MYO18B: variants seen among roughly 807,000 people sequenced by gnomAD.
MYO18B encodes the protein myosin XVIIIB.
Under a neutral mutation model 273.0 loss-of-function variants are expected in MYO18B, and 204 were observed. The observed-to-expected ratio is 0.75, with a 90% confidence interval of 0.67 to 0.84. The LOEUF (loss-of-function observed/expected upper bound fraction) is 0.84. Ranked by LOEUF, MYO18B falls within the 40% of genes least tolerant of loss-of-function variation. MYO18B has a pLI of 0.00. For synonymous variants in MYO18B, 1,330 were observed against 1,305.7 expected (o/e 1.02, Z -0.40); for missense variants, 3,212 against 3,287.6 (o/e 0.98, Z 0.56).
intron 8 of MYO18B, among the ~76,000 whole-genome samples, chr22:25,779,471 A>G (rs1442402639): frequency 6.6e-6 from 1 of 152,146 alleles, no homozygotes; most frequent in Admixed American, 6.5e-5. Context: ...GTTTTGCTGA[A>G]CACCTACTCT....
In MYO18B at chr22:25,769,992, C is replaced by T. The variant is rs1218512667; in HGVS notation, c.1513-118C>T. The T allele has an allele frequency of 7.8e-6, 8 of 1,029,634 alleles. No homozygotes were observed. In the Admixed American group the frequency reaches 1.5e-4, roughly 19 times the overall value. The allele number at this position is 1,029,634 out of a possible 1,614,324, so 63.8% of individuals were successfully genotyped here. A position where few individuals can be genotyped will look rare whatever the true frequency, so the allele number is the denominator to read the frequency against. ...ATAAGCACACTCCCTCTCCTGTTCT[C>T]CCCCAGGAGATTCTGGTTTAGATGG... is the stretch of plus-strand genomic sequence containing the variant. On this transcript the variant is annotated intron_variant, in intron 4 of 43. Transcript: ENST00000335473.
At chr22:25,759,920 CAA>C (rs1219095011) in intron 1 of MYO18B, among the ~76,000 whole-genome samples, 2 of 152,276 alleles carry the variant, frequency 1.3e-5, no homozygotes, top group East Asian at 3.9e-4. Context: ...ATTACTTCCT[CAA>C]ACTTGTTTCC....
intron 22 of MYO18B, among the ~76,000 whole-genome samples, chr22:25,872,672 T>G (rs955643455): frequency 6.6e-6 from 1 of 152,188 alleles, no homozygotes; most frequent in Non-Finnish European, 1.5e-5. Flanking sequence ...GCCTTTTTTT[T>G]TTAAGCCTTA....
At chr22:25,797,414 T>C (rs2087964350) in intron 11 of MYO18B, among the ~76,000 whole-genome samples, 1 of 152,184 alleles carries the variant, frequency 6.6e-6, no homozygotes, top group African/African-American at 2.4e-5. Flanking sequence ...TTGGCTGTCT[T>C]GGGTGGGATT....
chr22:25,810,883 G>C (rs2088718549), intron 12 of MYO18B, among the ~76,000 whole-genome samples: 1 of 152,090 alleles, frequency 6.6e-6, no homozygotes, highest in Non-Finnish European at 1.5e-5. Flanking sequence ...TAGCAGCAAA[G>C]GTCCATCTAT....
Position 25,847,584 on chromosome 22 carries a change from A to T in MYO18B, c.3707A>T (p.Asp1236Val). 2 of 1,566,568 alleles carry T rather than the reference A, an allele frequency of 1.3e-6. No individual in the cohort carries two copies. Among genetic ancestry groups the T allele is most frequent in the South Asian group, 1.2e-5 (1 of 84,822 alleles). ...KPGAGGPLAL[D>V]IPALRVQLAG... ...GGGGCAGGTGGACCTCTGGCCCTGG[A>T]TATCCCAGCACTGAGGGTCCAGCTT... The change falls in exon 20 of 44, where the codon GAT becomes GTT. Residue 1236 changes from aspartate (D) to valine (V), a missense_variant. Asp to Val is a radical substitution (Grantham distance 152, BLOSUM62 -3). Coordinates refer to ENST00000335473, the MANE Select transcript of MYO18B (RefSeq NM_032608.7).
intron 15 of MYO18B, among the ~76,000 whole-genome samples, chr22:25,832,473 A>G (rs778666033): frequency 1.3e-4 from 20 of 152,338 alleles, no homozygotes; most frequent in Admixed American, 2.0e-4. Context: ...AAAATGGTAC[A>G]TGCTGGATGA....
chr22:25,863,425 G>C (rs2090797581), intron 21 of MYO18B, among the ~76,000 whole-genome samples: 1 of 152,110 alleles, frequency 6.6e-6, no homozygotes, highest in Non-Finnish European at 1.5e-5. Flanking sequence ...GGACATCTTA[G>C]ATGATACATT....
chr22:26,005,914 G>A (rs1173980320), intron 42 of MYO18B, among the ~76,000 whole-genome samples: 2 of 152,170 alleles, frequency 1.3e-5, no homozygotes, highest in African/African-American at 4.8e-5. Context: ...AAATATCAAA[G>A]ACAGGCTCCA....
chr22:25,766,927 C>T (rs570064933), intron 3 of MYO18B, among the ~76,000 whole-genome samples: 52 of 152,226 alleles, frequency 3.4e-4, no homozygotes, highest in African/African-American at 1.2e-3. Context: ...TGAGGGATAG[C>T]GGACATGAGT....
At chr22:26,021,108 A>C (rs888041515) in intron 42 of MYO18B, among the ~76,000 whole-genome samples, 1 of 152,084 alleles carries the variant, frequency 6.6e-6, no homozygotes, top group Non-Finnish European at 1.5e-5. Context: ...AGAAAAGAAA[A>C]AATACCTGGC....
chr22:25,761,930 T>C (rs150523973), intron 2 of MYO18B, among the ~76,000 whole-genome samples: 246 of 152,278 alleles, frequency 1.6e-3, no homozygotes, highest in Non-Finnish European at 2.7e-3. Context: ...GAGACCAGTC[T>C]GGCCAACATA....
intron 25 of MYO18B, among the ~76,000 whole-genome samples, chr22:25,889,549 C>G (rs1216855036): frequency 7.5e-6 from 1 of 133,048 alleles, no homozygotes; most frequent in Non-Finnish European, 1.6e-5. Context: ...TGCACCCTAC[C>G]TCTTTCTTTT....
intron 25 of MYO18B, among the ~76,000 whole-genome samples, chr22:25,880,442 T>G (rs931584646): frequency 2.0e-5 from 3 of 152,164 alleles, no homozygotes; most frequent in Non-Finnish European, 4.4e-5. Flanking sequence ...AAAATCTTAT[T>G]TATCTTGATT....
intron 22 of MYO18B, among the ~76,000 whole-genome samples, chr22:25,873,336 C>A (rs946124318): frequency 6.6e-6 from 1 of 152,252 alleles, no homozygotes; most frequent in Non-Finnish European, 1.5e-5. Context: ...CCCTCAGCAC[C>A]TCTGTGGGTG....
At chr22:25,819,263 G>A (rs192161820) in intron 12 of MYO18B, among the ~76,000 whole-genome samples, 2 of 152,344 alleles carry the variant, frequency 1.3e-5, no homozygotes, top group Admixed American at 1.3e-4. Flanking sequence ...AGGATTTAGA[G>A]AGTCCAGCCA....
intron 1 of MYO18B, among the ~76,000 whole-genome samples, chr22:25,753,186 G>A (rs916388830): frequency 4.6e-5 from 7 of 152,062 alleles, no homozygotes; most frequent in Non-Finnish European, 7.4e-5. Flanking sequence ...TGGCCCCAGC[G>A]CAAGATCCAC....
At chr22:25,815,303 T>C (rs1462036441) in intron 12 of MYO18B, among the ~76,000 whole-genome samples, 1 of 152,208 alleles carries the variant, frequency 6.6e-6, no homozygotes, top group African/African-American at 2.4e-5. Context: ...CTGAGTGATC[T>C]CAGGCAAGTC....
At chr22:25,838,873 G>GTATA (rs61430921) in intron 17 of MYO18B, among the ~76,000 whole-genome samples, 6 of 151,276 alleles carry the variant, frequency 4.0e-5, no homozygotes, top group African/African-American at 1.2e-4. Flanking sequence ...ACATGTTTGT[G>GTATA]TATATATATA....
Sources: gnomAD v4.1 joint callset for allele counts (sites outside exome capture counted in the v4.1 genomes callset) on GRCh38, gnomAD v4.1.1 for gene constraint, MANE v1.5 for transcripts, NCBI Gene and HGNC (gene_info 2026-07-23, HGNC 2026-07-21) for gene names.